The following GABRG3 variants were observed in gnomAD, a reference collection of about 807,000 sequenced individuals.
GABRG3 encodes the protein gamma-aminobutyric acid receptor subunit gamma-3.
In GABRG3, 25 loss-of-function variants were observed where a neutral mutation model predicts 48.8. The ratio of observed to expected loss-of-function variants is 0.51; its 90% CI spans 0.37 to 0.72. GABRG3 has a LOEUF of 0.72. Among genes scored for constraint, GABRG3 ranks in the 30% least tolerant of loss-of-function variants. GABRG3 has a pLI of 0.00. For synonymous variants in GABRG3, 227 were observed against 217.6 expected (o/e 1.04, Z -0.38); for missense variants, 394 against 577.9 (o/e 0.68, Z 3.26).
rs184655213 is a variant in GABRG3, at chr15:27,538,381, A to T, written c.*5500A>T. 6.6e-6 allele frequency: 1 copy of T among 152,252 alleles called. No individual in the cohort carries two copies. The highest frequency in any genetic ancestry group is 1.5e-5 in the Non-Finnish European group (1 of 68,052). 9.4% of individuals were successfully genotyped at this position (152,252 alleles called of 1,614,324 possible). Reference sequence around the variant, plus strand: ...ATTCAAGAGCATGAGCTAGAAAATAATTAGGCAGACAAAACATATGTTCTC... The same window carrying T: ...ATTCAAGAGCATGAGCTAGAAAATATTTAGGCAGACAAAACATATGTTCTC... On this transcript the variant is annotated 3_prime_UTR_variant, in exon 10 of 10. Transcript: ENST00000615808.
At chr15:27,017,751 C>T (rs2140672684) in intron 2 of GABRG3, among the ~76,000 whole-genome samples, 1 of 152,292 alleles carries the variant, frequency 6.6e-6, no homozygotes, top group Non-Finnish European at 1.5e-5. Flanking sequence ...CTGCAGAGAC[C>T]TCTGAATTGT....
chr15:27,481,320 A>G (rs1890096698), intron 6 of GABRG3: 4 of 876,234 alleles, frequency 4.6e-6, no homozygotes, highest in Non-Finnish European at 5.5e-6. Flanking sequence ...AAATAAAAAG[A>G]GTTGTTCTGC....
intron 3 of GABRG3, among the ~76,000 whole-genome samples, chr15:27,104,927 A>T (rs1401102183): frequency 1.3e-5 from 2 of 152,238 alleles, no homozygotes; most frequent in Non-Finnish European, 2.9e-5. Flanking sequence ...CATGTCAATA[A>T]TCACTTTAAG....
intron 7 of GABRG3, among the ~76,000 whole-genome samples, chr15:27,522,310 CAG>C (rs1891177569): frequency 6.6e-6 from 1 of 151,630 alleles, no homozygotes; most frequent in African/African-American, 2.4e-5. Flanking sequence ...TAATTTATCA[CAG>C]AAAATCTAAA....
intron 3 of GABRG3, among the ~76,000 whole-genome samples, chr15:27,212,876 C>G (rs948891640): frequency 1.3e-5 from 2 of 152,164 alleles, no homozygotes; most frequent in African/African-American, 4.8e-5. Flanking sequence ...GCATCATGTC[C>G]TCAAGGCTCA....
At chr15:27,189,747 A>C (rs1033348677) in intron 3 of GABRG3, among the ~76,000 whole-genome samples, 2 of 152,176 alleles carry the variant, frequency 1.3e-5, no homozygotes, top group Admixed American at 6.5e-5. Context: ...CCGTGGCCAG[A>C]AGTTCCAACA....
intron 3 of GABRG3, among the ~76,000 whole-genome samples, chr15:27,139,948 A>G (rs1205505666): frequency 6.6e-6 from 1 of 152,180 alleles, no homozygotes; most frequent in African/African-American, 2.4e-5. Flanking sequence ...TGAAGTTTCC[A>G]TAAAAACCCA....
chr15:27,468,561 G>A (rs1253007583), intron 5 of GABRG3, among the ~76,000 whole-genome samples: 2 of 152,210 alleles, frequency 1.3e-5, no homozygotes, highest in Non-Finnish European at 2.9e-5. Context: ...CATAGCATCT[G>A]CAGCTATTGC....
At chr15:27,479,934 T>TAGAAAAGCAGGC (rs1890056485) in intron 5 of GABRG3, among the ~76,000 whole-genome samples, 1 of 152,108 alleles carries the variant, frequency 6.6e-6, no homozygotes, top group African/African-American at 2.4e-5. Context: ...CAGTTGCAGG[T>TAGAAAAGCAGGC]AGAAAAGCAG....
intron 3 of GABRG3, among the ~76,000 whole-genome samples, chr15:27,324,615 G>A (rs556837421): frequency 2.6e-4 from 40 of 152,278 alleles, no homozygotes; most frequent in Admixed American, 8.5e-4. Flanking sequence ...GGCAGGCAAC[G>A]GTACCATTCA....
chr15:27,167,081 G>A (rs917394529), intron 3 of GABRG3, among the ~76,000 whole-genome samples: 2 of 152,056 alleles, frequency 1.3e-5, no homozygotes, highest in Non-Finnish European at 2.9e-5. Flanking sequence ...CATAGAGCAG[G>A]GGCTGTCTTC....
At chr15:27,432,445 C>T (rs1043778559) in intron 5 of GABRG3, among the ~76,000 whole-genome samples, 4 of 152,066 alleles carry the variant, frequency 2.6e-5, no homozygotes, top group Admixed American at 6.6e-5. Flanking sequence ...CTTTGGTGCT[C>T]TTTATTTCTC....
At chr15:27,048,997 C>T (rs973096986) in intron 3 of GABRG3, among the ~76,000 whole-genome samples, 8 of 152,230 alleles carry the variant, frequency 5.3e-5, no homozygotes, top group Non-Finnish European at 1.0e-4. Flanking sequence ...CTGTGAGCCT[C>T]GGACGCACAG....
At chr15:27,375,772 CAT>C (rs1377405391) in intron 5 of GABRG3, among the ~76,000 whole-genome samples, 1 of 152,144 alleles carries the variant, frequency 6.6e-6, no homozygotes, top group African/African-American at 2.4e-5. Flanking sequence ...CCTCCCACAA[CAT>C]GTGGGAATTC....
chr15:27,082,208 A>G (rs1008066107), intron 3 of GABRG3, among the ~76,000 whole-genome samples: 6 of 152,202 alleles, frequency 3.9e-5, no homozygotes, highest in Non-Finnish European at 7.3e-5. Context: ...CACAGGGTCA[A>G]CAAGTGTCAG....
intron 5 of GABRG3, among the ~76,000 whole-genome samples, chr15:27,376,479 T>G (rs1486288184): frequency 6.6e-6 from 1 of 152,216 alleles, no homozygotes; most frequent in Non-Finnish European, 1.5e-5. Context: ...TACAGCAAAC[T>G]TCTGCGTGGG....
At chr15:27,340,643 A>G (rs1398183080) in intron 5 of GABRG3, 1 of 154,402 alleles carries the variant, frequency 6.5e-6, no homozygotes, top group Non-Finnish European at 1.4e-5. Flanking sequence ...ATCTTCCATA[A>G]AGGAAAAACT....
intron 3 of GABRG3, among the ~76,000 whole-genome samples, chr15:27,086,344 T>C (rs895308665): frequency 1.3e-5 from 2 of 151,974 alleles, no homozygotes; most frequent in Non-Finnish European, 2.9e-5. Context: ...AAAGGCAGCA[T>C]GGGTTGTGGG....
At chr15:27,416,728 C>G (rs4433765) in intron 5 of GABRG3, among the ~76,000 whole-genome samples, 54,986 of 152,008 alleles carry the variant, frequency 0.36, 11,185 homozygotes, top group African/African-American at 0.54. Flanking sequence ...GTTTTAGCCT[C>G]TGGGTTTCTG....
Sources: allele counts gnomAD v4.1 joint callset (sites outside exome capture counted in the v4.1 genomes callset), GRCh38; gene constraint gnomAD v4.1.1; transcripts MANE v1.5; gene names NCBI Gene and HGNC (gene_info 2026-07-23, HGNC 2026-07-21).